Variants in SAP130 observed in about 807,000 individuals in gnomAD.
The protein encoded by SAP130 is Sin3A associated protein 130, also known as histone deacetylase complex subunit SAP130.
In SAP130, 16 loss-of-function variants were observed where a neutral mutation model predicts 103.2. The ratio of observed to expected loss-of-function variants is 0.16; its 90% CI spans 0.10 to 0.24. SAP130 has a LOEUF of 0.24. Among genes scored for constraint, SAP130 ranks in the 10% least tolerant of loss-of-function variants. SAP130 has a pLI of 1.00. For missense variants in SAP130, 990 were observed against 1,359.7 expected, an observed-to-expected ratio of 0.73 and a Z score of 4.28; for synonymous variants, 477 against 497.0, an observed-to-expected ratio of 0.96 and a Z score of 0.53.
At position 127,953,927 on chromosome 2, in the gene SAP130, C is replaced by G. The variant is rs1208960479; in HGVS notation, c.2422+1059G>C. 6.6e-6 allele frequency among the ~76,000 whole-genome samples: 1 copy of G among 152,120 alleles called. No homozygotes were observed. Among genetic ancestry groups the G allele is most frequent in the South Asian group, 2.1e-4 (1 of 4,828 alleles). On this transcript the variant is annotated intron_variant, in intron 16 of 20. Coordinates refer to ENST00000643581, the MANE Select transcript of SAP130 (RefSeq NM_001330301.2). This position sits in a 1 kb window ranked among gnomAD's most constrained non-coding sequence, Gnocchi z 4.0. ...AATTTAGTCATCTTTTTGCTTTTGT[C>G]TCCCTTGCTAGAATGTAAGACCTAA...
intron 12 of SAP130, among the ~76,000 whole-genome samples, chr2:127,991,770 A>G (rs1286261657): frequency 1.3e-5 from 2 of 152,232 alleles, no homozygotes; most frequent in Admixed American, 6.5e-5. Context: ...CATAAAGCCT[A>G]CAACTGAAAA....
In SAP130 at chr2:127,986,312, A is replaced by G. The variant is rs1682385433; in HGVS notation, c.1958+473T>C. ...GGAGCGACACAGCCTGCCTGTCTGT[A>G]TGCTCCCCTAGAGGTTTGAGTAGCA... On this transcript the variant is annotated intron_variant, in intron 14 of 20. Coordinates refer to ENST00000643581, the MANE Select transcript of SAP130 (RefSeq NM_001330301.2). The surrounding 1 kb of genome is among the most constrained non-coding windows in gnomAD (Gnocchi z 4.7). Among the ~76,000 whole-genome samples, 1 of 152,190 alleles carries G rather than the reference A, an allele frequency of 6.6e-6. No individual in the cohort carries two copies. Among genetic ancestry groups the G allele is most frequent in the African/African-American group, 2.4e-5 (1 of 41,446 alleles).
At chr2:127,977,653 C>T (rs983068519) in intron 15 of SAP130, among the ~76,000 whole-genome samples, 18 of 152,210 alleles carry the variant, frequency 1.2e-4, no homozygotes, top group Admixed American at 9.8e-4. Flanking sequence ...TATAGGAATG[C>T]GCAATGCCCA....
intron 7 of SAP130, among the ~76,000 whole-genome samples, chr2:128,003,151 C>G (rs1683693060): frequency 6.6e-6 from 1 of 151,136 alleles, no homozygotes; most frequent in Admixed American, 6.6e-5. Flanking sequence ...CTTGAGCCAG[C>G]AAAAAGGGGT....
intron 16 of SAP130, among the ~76,000 whole-genome samples, chr2:127,951,775 A>G (rs1294564413): frequency 2.0e-5 from 3 of 152,200 alleles, no homozygotes; most frequent in Non-Finnish European, 4.4e-5. Flanking sequence ...CCTCACTTGG[A>G]CAACCCTATC....
chr2:127,988,746 C>T (rs1022669502), intron 13 of SAP130, among the ~76,000 whole-genome samples: 10 of 151,724 alleles, frequency 6.6e-5, no homozygotes, highest in East Asian at 1.9e-4. Flanking sequence ...GTTACTCAGG[C>T]GGCTGAGGTG....
chr2:127,985,885 C>T (rs546239793), intron 14 of SAP130, among the ~76,000 whole-genome samples: 56 of 151,794 alleles, frequency 3.7e-4, no homozygotes, highest in Middle Eastern at 3.4e-3. Context: ...AGCTGGACGG[C>T]GAGAGGACAG....
chr2:128,000,096 A>G lies in SAP130; in HGVS notation c.1068T>C (p.Pro356=). Residue 356 remains proline, a synonymous_variant, in exon 9 of 21, where the codon CCT becomes CCC. Transcript: ENST00000643581. The part of the protein sequence containing the change: ...GTPVAAATVA[P]ILATNTIPSA... ...AAGGAATGGTGTTGGTTGCCAAAAT[A>G]GGTGCTACTGTGGCTGCAGCCACTG... 1.2e-6 allele frequency: 2 copies of G among 1,614,154 alleles called. No individual in the cohort carries two copies. Among genetic ancestry groups the G allele is most frequent in the Non-Finnish European group, 1.7e-6 (2 of 1,180,010 alleles).
chr2:127,985,966 C>T (rs1050154465), intron 14 of SAP130, among the ~76,000 whole-genome samples: 4 of 152,144 alleles, frequency 2.6e-5, no homozygotes, highest in African/African-American at 7.2e-5. Flanking sequence ...ACCAGCAGAA[C>T]GACGCAGTTT....
intron 18 of SAP130, among the ~76,000 whole-genome samples, chr2:127,946,669 G>A (rs1290403001): frequency 2.0e-5 from 3 of 151,740 alleles, no homozygotes; most frequent in Non-Finnish European, 2.9e-5. Context: ...GATCACTTGA[G>A]GTCAGGAGTT....
intron 16 of SAP130, among the ~76,000 whole-genome samples, chr2:127,951,638 C>CTTTTCATTTTCATTTCATTCCTT (rs1679502917): frequency 6.6e-6 from 1 of 152,174 alleles, no homozygotes; most frequent in Non-Finnish European, 1.5e-5. Flanking sequence ...CCTTCATTGT[C>CTTTTCATTTTCATTTCATTCCTT]CCTTCCTTTT....
intron 15 of SAP130, among the ~76,000 whole-genome samples, chr2:127,972,253 T>C (rs1681141563): frequency 6.6e-6 from 1 of 152,212 alleles, no homozygotes; most frequent in South Asian, 2.1e-4. Flanking sequence ...CATGGCAGGT[T>C]CTTCACCTTC....
chr2:127,944,067 T>C (rs1265155208), intron 19 of SAP130, among the ~76,000 whole-genome samples: 2 of 152,240 alleles, frequency 1.3e-5, no homozygotes, highest in Non-Finnish European at 1.5e-5. Context: ...TGTCTTACTC[T>C]GTTATCCAGG....
At chr2:127,971,232 C>T (rs896795961) in intron 15 of SAP130, among the ~76,000 whole-genome samples, 5 of 151,970 alleles carry the variant, frequency 3.3e-5, no homozygotes, top group Non-Finnish European at 5.9e-5. Flanking sequence ...GAATTATAGG[C>T]ATGAACCACA....
chr2:127,959,863 T>C (rs140516606), intron 15 of SAP130, among the ~76,000 whole-genome samples: 66 of 151,986 alleles, frequency 4.3e-4, no homozygotes, highest in African/African-American at 1.5e-3. Context: ...TGGAACCAAA[T>C]AGAAATTAAA....
chr2:128,027,348 G>T, intron 1 of SAP130: 1 of 1,120,326 alleles, frequency 8.9e-7, no homozygotes. Context: ...CACGCCCGAC[G>T]CGTCAGTGGA....
At chr2:128,027,398 C>A (rs1685596533) in intron 1 of SAP130, 2 of 1,137,002 alleles carry the variant, frequency 1.8e-6, no homozygotes, top group Non-Finnish European at 2.2e-6. Context: ...CGTTCAGAGC[C>A]CGCCCCACCC....
chr2:128,010,417 C>A (rs1195069056), intron 6 of SAP130, 24 bp from the exon 7 acceptor site: 1 of 1,591,610 alleles, frequency 6.3e-7, no homozygotes, highest in Non-Finnish European at 8.6e-7. Flanking sequence ...AAAAACAGTT[C>A]ATTTAAAACA....
At chr2:127,956,638 C>T (rs1005063797) in intron 15 of SAP130, among the ~76,000 whole-genome samples, 5 of 143,946 alleles carry the variant, frequency 3.5e-5, no homozygotes, top group East Asian at 2.1e-4. Context: ...ACCGACATGG[C>T]GCATGTAGAC....
Sources: gnomAD v4.1 joint callset for allele counts (sites outside exome capture counted in the v4.1 genomes callset) on GRCh38, gnomAD v4.1.1 for gene constraint, Gnocchi (gnomAD v3.1) non-coding constraint, MANE v1.5 for transcripts, NCBI Gene and HGNC (gene_info 2026-07-23, HGNC 2026-07-21) for gene names.